The following SNTG1 variants were observed in gnomAD, a reference collection of about 807,000 sequenced individuals.
SNTG1 encodes the protein gamma-1-syntrophin.
Under a neutral mutation model 74.7 loss-of-function variants are expected in SNTG1, and 39 were observed. The observed-to-expected ratio is 0.52, with a 90% CI of 0.40 to 0.68. The LOEUF is 0.68. Ranked by LOEUF, SNTG1 falls within the 30% of genes least tolerant of loss-of-function variation. SNTG1 has a pLI of 0.00. For synonymous variants in SNTG1, 254 were observed against 217.1 expected (o/e 1.17, Z -1.49); for missense variants, 685 against 609.5 (o/e 1.12, Z -1.30).
At chr8:50,412,334 G>A (rs369296192) in intron 4 of SNTG1, among the ~76,000 whole-genome samples, 2 of 151,760 alleles carry the variant, frequency 1.3e-5, no homozygotes, top group South Asian at 2.1e-4. Flanking sequence ...CTTTCTGTGG[G>A]GCACTAAAGG....
chr8:49,915,898 G>A (rs1186910490), intron 1 of SNTG1, among the ~76,000 whole-genome samples: 3 of 152,078 alleles, frequency 2.0e-5, no homozygotes, highest in African/African-American at 7.2e-5. Flanking sequence ...GGCCTCTTTA[G>A]GACATCTCTT....
chr8:50,274,750 G>A (rs1330088009), intron 2 of SNTG1, among the ~76,000 whole-genome samples: 1 of 152,084 alleles, frequency 6.6e-6, no homozygotes, highest in Non-Finnish European at 1.5e-5. Flanking sequence ...TTGCTGAAAG[G>A]TTTTAATCAT....
At chr8:50,314,859 T>G (rs1157196650) in intron 2 of SNTG1, among the ~76,000 whole-genome samples, 1 of 149,810 alleles carries the variant, frequency 6.7e-6, no homozygotes, top group East Asian at 2.0e-4. Context: ...GCACTTTTAC[T>G]TTACCTAGTG....
chr8:50,632,129 C>A (rs947458447), intron 13 of SNTG1, among the ~76,000 whole-genome samples: 2 of 151,826 alleles, frequency 1.3e-5, no homozygotes, highest in African/African-American at 4.8e-5. Flanking sequence ...CACTAAAGGG[C>A]AAAACAGGTC....
Position 50,243,368 on chromosome 8 carries a change from T to C in SNTG1, c.-28+70733T>C, listed in dbSNP as rs564275628. Among the ~76,000 whole-genome samples the C allele has an allele frequency of 7.2e-5, 11 of 152,326 alleles. No individual in the cohort carries two copies. In the South Asian group the frequency reaches 2.3e-3, roughly 32 times the overall value. On this transcript the variant is annotated intron_variant, in intron 2 of 18. Transcript: ENST00000642720. ...TAGATATTTTTGAATAATTCAATTA[T>C]GGAGTAACTTTTCCCTATTTTACTA...
At chr8:50,203,549 T>A (rs976950968) in intron 2 of SNTG1, among the ~76,000 whole-genome samples, 68 of 152,306 alleles carry the variant, frequency 4.5e-4, no homozygotes, top group African/African-American at 1.5e-3. Flanking sequence ...TGTATTTTTT[T>A]TAATAGCAGC....
intron 18 of SNTG1, chr8:50,762,893 C>T (rs2095603008): frequency 3.4e-6 from 1 of 293,868 alleles, no homozygotes; most frequent in Non-Finnish European, 6.8e-6. Context: ...AAATGTTTTC[C>T]CCTCCTACCA....
intron 1 of SNTG1, among the ~76,000 whole-genome samples, chr8:50,150,372 G>T (rs2082023972): frequency 6.6e-6 from 1 of 152,058 alleles, no homozygotes; most frequent in African/African-American, 2.4e-5. Flanking sequence ...TTTCCTAATT[G>T]AATACCCTTT....
At chr8:49,933,431 T>C (rs1164974845) in intron 1 of SNTG1, among the ~76,000 whole-genome samples, 4 of 152,210 alleles carry the variant, frequency 2.6e-5, no homozygotes, top group African/African-American at 9.6e-5. Context: ...ATTCCTAAAT[T>C]TTCTTCTGAG....
At chr8:49,995,869 T>C (rs777281700) in intron 1 of SNTG1, among the ~76,000 whole-genome samples, 1 of 152,218 alleles carries the variant, frequency 6.6e-6, no homozygotes, top group African/African-American at 2.4e-5. Flanking sequence ...GATCGCAAGA[T>C]ACTCTTATGC....
At chr8:50,781,721 T>C (rs915198426) in intron 18 of SNTG1, among the ~76,000 whole-genome samples, 6 of 152,322 alleles carry the variant, frequency 3.9e-5, no homozygotes, top group East Asian at 3.9e-4. Context: ...GTTAATATTG[T>C]TCTGTGTGAA....
intron 1 of SNTG1, among the ~76,000 whole-genome samples, chr8:49,926,648 T>A (rs1329682459): frequency 6.6e-6 from 1 of 152,106 alleles, no homozygotes; most frequent in East Asian, 1.9e-4. Flanking sequence ...CTTGAAGATA[T>A]CATAAGAGAA....
chr8:50,536,663 T>TTA lies in SNTG1; in HGVS notation c.550-13_550-12dup. 1 of 1,610,116 alleles carries TTA rather than the reference T, an allele frequency of 6.2e-7. No homozygotes were observed. Among genetic ancestry groups the TTA allele is most frequent in the South Asian group, 1.1e-5 (1 of 90,092 alleles). ...AGAAGAAAAAAATTACGTTGAATAT[T>TTA]TATCTTCCTTTCAGGACACATTATC... On this transcript the variant is annotated splice_polypyrimidine_tract_variant and intron_variant, in intron 10 of 18. Coordinates refer to ENST00000642720, the MANE Select transcript of SNTG1 (RefSeq NM_018967.5).
intron 9 of SNTG1, among the ~76,000 whole-genome samples, chr8:50,518,090 A>G (rs1487629602): frequency 6.6e-6 from 1 of 152,212 alleles, no homozygotes; most frequent in Non-Finnish European, 1.5e-5. Flanking sequence ...AGAGAATGAG[A>G]ATCATAACAA....
chr8:50,328,916 A>C (rs1345756130), intron 2 of SNTG1, among the ~76,000 whole-genome samples: 2 of 152,218 alleles, frequency 1.3e-5, no homozygotes, highest in African/African-American at 4.8e-5. Flanking sequence ...GAACCTGTAA[A>C]GTCAAAAACA....
intron 2 of SNTG1, among the ~76,000 whole-genome samples, chr8:50,377,442 T>C (rs2092407878): frequency 6.6e-6 from 1 of 152,208 alleles, no homozygotes; most frequent in African/African-American, 2.4e-5. Context: ...GGAAAACGTT[T>C]TATGTTTCTT....
chr8:50,367,223 A>G (rs1464065499), intron 2 of SNTG1, among the ~76,000 whole-genome samples: 3 of 151,896 alleles, frequency 2.0e-5, no homozygotes, highest in Non-Finnish European at 4.4e-5. Flanking sequence ...CATTTCTTAC[A>G]TGTATTCTTT....
chr8:50,671,436 T>TA (rs538341620), intron 15 of SNTG1, among the ~76,000 whole-genome samples: 6,507 of 150,960 alleles, frequency 0.043, 374 homozygotes, highest in African/African-American at 0.12. Flanking sequence ...AAAAGACACA[T>TA]AAAAAAATGC....
At chr8:50,304,103 G>T (rs1030787768) in intron 2 of SNTG1, among the ~76,000 whole-genome samples, 1 of 152,166 alleles carries the variant, frequency 6.6e-6, no homozygotes, top group African/African-American at 2.4e-5. Flanking sequence ...TTTAAGAGGC[G>T]ATTAGACCCT....
Sources: gnomAD v4.1 joint callset for allele counts (sites outside exome capture counted in the v4.1 genomes callset) on GRCh38, gnomAD v4.1.1 for gene constraint, MANE v1.5 for transcripts, NCBI Gene and HGNC (gene_info 2026-07-23, HGNC 2026-07-21) for gene names.